Variants in IRAK2 observed in about 807,000 individuals in gnomAD.
IRAK2 encodes the protein interleukin 1 receptor associated kinase 2, also known as interleukin-1 receptor-associated kinase-like 2.
In IRAK2, 57 loss-of-function variants were observed where a neutral mutation model predicts 72.0. The observed-to-expected ratio is 0.79, with a 90% CI of 0.64 to 0.99. IRAK2 has a LOEUF of 0.99. Ranked by LOEUF, IRAK2 falls within the 50% of genes least tolerant of loss-of-function variation. The pLI is 0.00. For synonymous variants in IRAK2, 293 were observed against 312.7 expected, an observed-to-expected ratio of 0.94 and a Z score of 0.67; for missense variants, 790 against 794.4, an observed-to-expected ratio of 0.99 and a Z score of 0.07.
chr3:10,196,193 C>T (rs1406704220), intron 2 of IRAK2, among the ~76,000 whole-genome samples: 2 of 152,244 alleles, frequency 1.3e-5, no homozygotes, highest in African/African-American at 4.8e-5. Flanking sequence ...TAGCACACTG[C>T]AGCCTCCGCC....
intron 6 of IRAK2, 121 bp from the exon 7 acceptor site, chr3:10,216,813 T>A (rs1697611615): frequency 5.6e-6 from 4 of 718,348 alleles, no homozygotes; most frequent in Non-Finnish European, 9.9e-6. Context: ...TCAGAGTATG[T>A]GGTACCTGGG....
chr3:10,211,602 A>G lies in IRAK2; in HGVS notation c.529-1605A>G, dbSNP rs181215254. On this transcript the variant is annotated intron_variant, in intron 4 of 12. Coordinates refer to ENST00000256458, the MANE Select transcript of IRAK2 (RefSeq NM_001570.4). ...CCATTGCACTCCAGCCTTGGTGTCAAAGTGAGACCCTGTCTCAAAAAGAAA... is the reference window on the plus strand; with the variant it reads ...CCATTGCACTCCAGCCTTGGTGTCAGAGTGAGACCCTGTCTCAAAAAGAAA... 1.7e-3 allele frequency among the ~76,000 whole-genome samples: 262 copies of G among 151,572 alleles called. 6 individuals carry two copies. In the South Asian group the frequency reaches 0.043, roughly 25 times the overall value.
In IRAK2 at chr3:10,220,693, G is replaced by A. The variant is rs901351724; in HGVS notation, c.1013+904G>A. On this transcript the variant is annotated intron_variant, in intron 8 of 12. Coordinates refer to ENST00000256458, the MANE Select transcript of IRAK2 (RefSeq NM_001570.4). Reference sequence around the variant, plus strand: ...TGACCTCAGGTGATCCACCCGCCTTGGTCTCCTATAGTGCTGGGATTACAG... The same window carrying A: ...TGACCTCAGGTGATCCACCCGCCTTAGTCTCCTATAGTGCTGGGATTACAG... Among the ~76,000 whole-genome samples, 12 of 152,128 alleles carry A rather than the reference G, an allele frequency of 7.9e-5. No homozygotes were observed. In the East Asian group the frequency reaches 2.3e-3, roughly 29 times the overall value.
rs189324557 is a variant in IRAK2 at position 10,220,705 on chromosome 3, T to G, written c.1013+916T>G. Among the ~76,000 whole-genome samples, 409 of 152,210 alleles carry G rather than the reference T, an allele frequency of 2.7e-3. 7 individuals are homozygous for G. In the South Asian group the frequency reaches 0.042, roughly 16 times the overall value. On this transcript the variant is annotated intron_variant, in intron 8 of 12. Transcript: ENST00000256458. ...ATCCACCCGCCTTGGTCTCCTATAG[T>G]GCTGGGATTACAGGTGAGAGCCACC...
At chr3:10,209,480 A>G in intron 3 of IRAK2, 109 bp from the exon 4 acceptor site, 1 of 602,776 alleles carries the variant, frequency 1.7e-6, no homozygotes, top group South Asian at 3.9e-5. Context: ...TGGCAGCAAC[A>G]AGTGTTTGGG....
chr3:10,194,108 A>C (rs1697225639), intron 2 of IRAK2, among the ~76,000 whole-genome samples: 1 of 152,194 alleles, frequency 6.6e-6, no homozygotes. Flanking sequence ...ATTTGTCATC[A>C]TGGAGCCCTG....
intron 3 of IRAK2, among the ~76,000 whole-genome samples, chr3:10,207,655 C>G (rs377528046): frequency 7.6e-4 from 116 of 152,240 alleles, no homozygotes; most frequent in African/African-American, 2.7e-3. Flanking sequence ...AACTACTTGT[C>G]AAACATTCCG....
intron 2 of IRAK2, among the ~76,000 whole-genome samples, chr3:10,181,462 A>T (rs1696958662): frequency 6.6e-6 from 1 of 152,010 alleles, no homozygotes; most frequent in Non-Finnish European, 1.5e-5. Flanking sequence ...ATACAAAAAA[A>T]TTAGCTGGGC....
chr3:10,213,148 AG>A, intron 4 of IRAK2, 58 bp from the exon 5 acceptor site: 16 of 1,412,562 alleles, frequency 1.1e-5, no homozygotes, highest in Non-Finnish European at 1.6e-5. Flanking sequence ...AGGTCCCTTG[AG>A]GTAGCAGAGA....
intron 2 of IRAK2, among the ~76,000 whole-genome samples, chr3:10,188,428 G>A (rs925307782): frequency 1.3e-5 from 2 of 152,178 alleles, no homozygotes; most frequent in South Asian, 2.1e-4. Context: ...TCCGCCTCCC[G>A]GGTTCAAGCG....
chr3:10,243,161 A>C lies in IRAK2; in HGVS notation c.*933A>C, dbSNP rs1698087553. The C allele has an allele frequency of 6.6e-6, 1 of 152,086 alleles. No homozygotes were observed. Among genetic ancestry groups the C allele is most frequent in the African/African-American group, 2.4e-5 (1 of 41,360 alleles). The allele number at this position is 152,086 out of a possible 1,614,324, so 9.4% of individuals were successfully genotyped here. A position where few individuals can be genotyped will look rare whatever the true frequency, so the allele number is the denominator to read the frequency against. ...GTGATTCTCCTGCCTCAGCCTCCTGAGTAGATGGGACTGTAGGCACCTGCC... is the reference window on the plus strand; with the variant it reads ...GTGATTCTCCTGCCTCAGCCTCCTGCGTAGATGGGACTGTAGGCACCTGCC... On this transcript the variant is annotated 3_prime_UTR_variant, in exon 13 of 13. Transcript: ENST00000256458.
chr3:10,238,508 G>A (rs572607461), intron 11 of IRAK2, among the ~76,000 whole-genome samples: 1 of 152,258 alleles, frequency 6.6e-6, no homozygotes, highest in South Asian at 2.1e-4. Context: ...AATCCCTATG[G>A]TCAGAGGAGT....
intron 8 of IRAK2, 70 bp downstream of exon 8, chr3:10,219,859 C>T (rs1378448088): frequency 9.8e-7 from 1 of 1,020,336 alleles, no homozygotes; most frequent in African/African-American, 1.6e-5. Flanking sequence ...ATTCCTGGCT[C>T]ACCTCCCGCT....
chr3:10,177,886 T>C lies in IRAK2; in HGVS notation c.143T>C (p.Met48Thr). The change falls in exon 2 of 13, where the codon ATG (methionine) becomes ACG (threonine). Residue 48 changes from methionine (M) to threonine (T), a missense_variant. Physicochemically the swap from Met to Thr is moderately conservative, Grantham distance 81 (BLOSUM62 -1). Transcript: ENST00000256458. ...ACCCAGCTGCGGAAGATCAAGTCCA[T>C]GGAGCGGGTGCAGGGTGTGAGCATC... ...DLTQLRKIKS[M>T]ERVQGVSITR... 1 of 1,613,836 alleles carries C rather than the reference T, an allele frequency of 6.2e-7. No individual in the cohort carries two copies. Among genetic ancestry groups the C allele is most frequent in the Non-Finnish European group, 8.5e-7 (1 of 1,180,032 alleles).
At position 10,221,340 on chromosome 3, in the gene IRAK2, G is replaced by A. The variant is rs372228676; in HGVS notation, c.1014-1296G>A. On this transcript the variant is annotated intron_variant, in intron 8 of 12. Transcript: ENST00000256458. ...ACAATCTCTGTTCACTGCAAGCTCC[G>A]CCTCCCAGGTTCACGCCATTCTCCT... 5.4e-4 allele frequency among the ~76,000 whole-genome samples: 72 copies of A among 132,178 alleles called. 1 individual carries two copies. The highest frequency in any genetic ancestry group is 9.6e-4 in the East Asian group (4 of 4,178). The allele number at this position is 132,178 out of a possible 152,430, so 86.7% of individuals were successfully genotyped here.
At chr3:10,173,127 GTGC>G (rs1696823158) in intron 1 of IRAK2, among the ~76,000 whole-genome samples, 1 of 152,154 alleles carries the variant, frequency 6.6e-6, no homozygotes, top group Admixed American at 6.5e-5. Flanking sequence ...TCGGAGGCAG[GTGC>G]TGCTGTTATC....
chr3:10,181,264 C>T (rs1696955282), intron 2 of IRAK2, among the ~76,000 whole-genome samples: 2 of 152,078 alleles, frequency 1.3e-5, no homozygotes, highest in Admixed American at 1.3e-4. Context: ...TCCTTACATT[C>T]CCCCTGCGAA....
intron 10 of IRAK2, among the ~76,000 whole-genome samples, chr3:10,233,380 A>G (rs931803442): frequency 1.3e-5 from 2 of 152,102 alleles, no homozygotes; most frequent in African/African-American, 4.8e-5. Context: ...AATATTTAGT[A>G]TGTTTGTAAC....
intron 3 of IRAK2, among the ~76,000 whole-genome samples, chr3:10,208,155 C>T (rs1697460051): frequency 6.6e-6 from 1 of 151,786 alleles, no homozygotes; most frequent in Admixed American, 6.6e-5. Context: ...CTGGTCCGCA[C>T]AGAAGCAGGC....
Sources: allele counts gnomAD v4.1 joint callset (sites outside exome capture counted in the v4.1 genomes callset), GRCh38; gene constraint gnomAD v4.1.1; transcripts MANE v1.5; gene names NCBI Gene and HGNC (gene_info 2026-07-23, HGNC 2026-07-21).